Variants in KIF4A observed in about 807,000 individuals in gnomAD.
KIF4A encodes the protein chromosome-associated kinesin KIF4A.
In KIF4A, 7 loss-of-function variants were observed where a neutral mutation model predicts 105.9. That is an observed-to-expected ratio of 0.07 (90% CI 0.04 to 0.12). KIF4A has a LOEUF of 0.12. Ranked by LOEUF, KIF4A falls within the 10% of genes least tolerant of loss-of-function variation. The probability of loss-of-function intolerance (pLI) is 1.00; values close to 1 mark genes in which losing one functional copy is unlikely to be tolerated. For synonymous variants in KIF4A, 281 were observed against 331.3 expected (o/e 0.85, Z 1.65); for missense variants, 558 against 929.2 (o/e 0.60, Z 5.19).
At chrX:70,382,187 TG>T (rs777392931) in intron 18 of KIF4A, among the ~76,000 whole-genome samples, 200 of 112,561 alleles carry the variant, frequency 1.8e-3, no homozygotes, top group Middle Eastern at 0.014. Flanking sequence ...CCCAGCACTG[TG>T]GGATGCCGAG....
At chrX:70,412,850 C>A (rs751338340) in intron 28 of KIF4A, among the ~76,000 whole-genome samples, 16 of 109,614 alleles carry the variant, frequency 1.5e-4, no homozygotes, top group Non-Finnish European at 3.0e-4. Context: ...CACTTGAGCC[C>A]TGGAGGTTGA....
intron 10 of KIF4A, 152 bp from the exon 11 acceptor site, chrX:70,341,647 G>T: frequency 2.1e-6 from 1 of 473,437 alleles, no homozygotes; most frequent in Non-Finnish European, 3.5e-6. Flanking sequence ...AGGATAGATT[G>T]GGTTGGACAC....
At chrX:70,291,692 A>G (rs949146657) in intron 3 of KIF4A, among the ~76,000 whole-genome samples, 3 of 111,871 alleles carry the variant, frequency 2.7e-5, no homozygotes, top group Admixed American at 9.5e-5. Flanking sequence ...TGAAAGAGAC[A>G]TTTGTATATC....
intron 7 of KIF4A, among the ~76,000 whole-genome samples, chrX:70,308,939 A>T (rs2085838501): frequency 8.9e-6 from 1 of 112,303 alleles, no homozygotes; most frequent in Admixed American, 9.4e-5. Context: ...CGTGTATATA[A>T]GTCTACTTCA....
At chrX:70,397,338 C>G (rs1381570336) in intron 22 of KIF4A, among the ~76,000 whole-genome samples, 1 of 110,908 alleles carries the variant, frequency 9.0e-6, no homozygotes, top group East Asian at 2.8e-4. Context: ...CCACTGCACT[C>G]CTGGGCGACA....
At chrX:70,368,660 C>T (rs894397957) in intron 15 of KIF4A, among the ~76,000 whole-genome samples, 1 of 111,996 alleles carries the variant, frequency 8.9e-6, no homozygotes, top group Non-Finnish European at 1.9e-5. Context: ...TCTGCCCCTC[C>T]TGGGGGGTGC....
chrX:70,330,392 C>A, intron 9 of KIF4A, 60 bp downstream of exon 9: 1 of 1,015,221 alleles, frequency 9.9e-7, no homozygotes, highest in Non-Finnish European at 1.4e-6. Context: ...AATGATAGAG[C>A]TTCTGTTTTC....
Position 70,394,250 on chromosome X carries a change from C to T in KIF4A, c.2233-1421C>T, listed in dbSNP as rs187427441. Among the ~76,000 whole-genome samples the T allele has an allele frequency of 6.2e-3, 670 of 107,977 alleles. 6 individuals carry two copies. The highest frequency in any genetic ancestry group is 0.021 in the African/African-American group (629 of 29,552). The allele number at this position is 107,977 out of a possible 115,157, so 93.8% of individuals were successfully genotyped here. A position where few individuals can be genotyped will look rare whatever the true frequency, so the allele number is the denominator to read the frequency against. ...ACAGGATCTCACTCTGTTACCCAGGCTGGAGTGCAGTGGCGTGACCATAGT... is the reference window on the plus strand; with the variant it reads ...ACAGGATCTCACTCTGTTACCCAGGTTGGAGTGCAGTGGCGTGACCATAGT... On this transcript the variant is annotated intron_variant, in intron 20 of 30. Transcript: ENST00000374403.
At chrX:70,376,045 C>A in intron 17 of KIF4A, 55 bp from the exon 18 acceptor site, 1 of 834,786 alleles carries the variant, frequency 1.2e-6, no homozygotes, top group Non-Finnish European at 1.8e-6. Context: ...CCATCCGCAC[C>A]AGCCTAGAAT....
At chrX:70,392,851 T>C (rs1023775849) in intron 20 of KIF4A, among the ~76,000 whole-genome samples, 18 of 105,530 alleles carry the variant, frequency 1.7e-4, no homozygotes, top group Non-Finnish European at 2.5e-4. Context: ...ATAATAATAA[T>C]AATAATAATT....
chrX:70,364,493 A>T (rs1446998312), intron 15 of KIF4A, among the ~76,000 whole-genome samples: 20 of 108,588 alleles, frequency 1.8e-4, no homozygotes, highest in African/African-American at 6.7e-4. Flanking sequence ...TTTATTAAAT[A>T]GGGAATCCTT....
chrX:70,308,862 G>A (rs899110020), intron 7 of KIF4A, among the ~76,000 whole-genome samples: 7 of 112,153 alleles, frequency 6.2e-5, no homozygotes, highest in African/African-American at 1.9e-4. Context: ...TGCCTGCCTC[G>A]GCCTCCCAAA....
At chrX:70,370,719 T>G (rs1003503046) in intron 15 of KIF4A, among the ~76,000 whole-genome samples, 1 of 109,818 alleles carries the variant, frequency 9.1e-6, no homozygotes, top group African/African-American at 3.3e-5. Context: ...GTGGATCACT[T>G]AAGCTCAGGA....
chrX:70,362,986 G>A (rs1370256882), intron 15 of KIF4A, among the ~76,000 whole-genome samples: 7 of 110,866 alleles, frequency 6.3e-5, no homozygotes, highest in African/African-American at 2.3e-4. Context: ...GCAGTGGCAT[G>A]ATCATAGCTC....
chrX:70,353,632 C>G lies in KIF4A; in HGVS notation c.1499C>G (p.Thr500Ser). 1.7e-6 allele frequency: 2 copies of G among 1,206,032 alleles called. No individual in the cohort carries two copies. The highest frequency in any genetic ancestry group is 2.2e-6 in the Non-Finnish European group (2 of 893,367). Residue 500 changes from threonine (T) to serine (S), a missense_variant, in exon 15 of 31, where the codon ACC becomes AGC. Coordinates refer to ENST00000374403, the MANE Select transcript of KIF4A (RefSeq NM_012310.5). ...TAVEQEAQVETSPETSRSSDA... is the reference protein window; with the variant it reads ...TAVEQEAQVESSPETSRSSDA... ...CTGATTTTTTTCCAGCAAGTAGAAA[C>G]CAGTCCAGAGACGAGCAGGTCTTCT...
At chrX:70,290,417 C>A (rs1026859684) in intron 1 of KIF4A, 21 bp from the exon 2 acceptor site, 1 of 1,191,802 alleles carries the variant, frequency 8.4e-7, no homozygotes, top group Non-Finnish European at 1.1e-6. Context: ...CATCAGCGAG[C>A]CTTCTTTTTC....
At chrX:70,378,832 C>T (rs938495800) in intron 18 of KIF4A, among the ~76,000 whole-genome samples, 3 of 108,644 alleles carry the variant, frequency 2.8e-5, no homozygotes, top group Admixed American at 1.0e-4. Flanking sequence ...TCAACAAATA[C>T]TGACAAACCT....
At chrX:70,402,860 A>G (rs774439613) in intron 23 of KIF4A, among the ~76,000 whole-genome samples, 165 bp downstream of exon 23, 3 of 112,431 alleles carry the variant, frequency 2.7e-5, no homozygotes, top group Non-Finnish European at 5.6e-5. Flanking sequence ...AAGCAAGTAC[A>G]GGCCAGTCAC....
chrX:70,322,894 C>G (rs1363874658), intron 7 of KIF4A, among the ~76,000 whole-genome samples: 11 of 109,352 alleles, frequency 1.0e-4, no homozygotes, highest in Admixed American at 9.8e-5. Flanking sequence ...AGTTAGGTAC[C>G]CTTTCAAGCC....
Sources: gnomAD v4.1 joint callset for allele counts (sites outside exome capture counted in the v4.1 genomes callset) on GRCh38, gnomAD v4.1.1 for gene constraint, MANE v1.5 for transcripts, NCBI Gene and HGNC (gene_info 2026-07-23, HGNC 2026-07-21) for gene names.